Variants in MTMR7 observed in about 807,000 individuals in gnomAD.
MTMR7 encodes phosphatidylinositol-3-phosphate phosphatase MTMR7.
A neutral mutation model predicts 81.2 loss-of-function variants in MTMR7; 76 were observed. That is an observed-to-expected ratio of 0.94 (90% CI 0.78 to 1.13). The LOEUF is 1.13. MTMR7 is among the 50% of genes most tolerant of loss of function. The pLI, the probability that MTMR7 is intolerant of heterozygous loss-of-function variation, is 0.00. For synonymous variants in MTMR7, 372 were observed against 289.8 expected, an observed-to-expected ratio of 1.28 and a Z score of -2.88; for missense variants, 1,044 against 820.0, an observed-to-expected ratio of 1.27 and a Z score of -3.34.
At chr8:17,373,558 T>C (rs1394226532) in intron 1 of MTMR7, among the ~76,000 whole-genome samples, 1 of 152,230 alleles carries the variant, frequency 6.6e-6, no homozygotes, top group East Asian at 1.9e-4. Context: ...ATTACATTTC[T>C]AATTTAAAGC....
At chr8:17,396,385 C>T (rs1344664706) in intron 1 of MTMR7, among the ~76,000 whole-genome samples, 2 of 152,214 alleles carry the variant, frequency 1.3e-5, no homozygotes, top group Admixed American at 1.3e-4. Flanking sequence ...CTGGTAGTGA[C>T]TAAGTTCACA....
intron 6 of MTMR7, among the ~76,000 whole-genome samples, chr8:17,339,936 A>G (rs888872124): frequency 6.6e-6 from 1 of 152,346 alleles, no homozygotes; most frequent in Non-Finnish European, 1.5e-5. Flanking sequence ...ACAGTGTGGT[A>G]TACATTCTCT....
At chr8:17,317,348 G>C (rs1490037887) in intron 7 of MTMR7, among the ~76,000 whole-genome samples, 1 of 152,192 alleles carries the variant, frequency 6.6e-6, no homozygotes, top group Non-Finnish European at 1.5e-5. Flanking sequence ...TTCGATGTTT[G>C]TAGGCCCCGG....
At chr8:17,389,097 A>G (rs1344414804) in intron 1 of MTMR7, among the ~76,000 whole-genome samples, 1 of 152,124 alleles carries the variant, frequency 6.6e-6, no homozygotes, top group South Asian at 2.1e-4. Context: ...GAACAGTAAG[A>G]AAAGGACACT....
At chr8:17,309,081 C>T (rs922244827) in intron 10 of MTMR7, among the ~76,000 whole-genome samples, 196 bp downstream of exon 10, 5 of 152,186 alleles carry the variant, frequency 3.3e-5, no homozygotes, top group African/African-American at 1.2e-4. Flanking sequence ...TTAGTTAGTT[C>T]TGCCCAACTG....
intron 1 of MTMR7, among the ~76,000 whole-genome samples, chr8:17,390,445 G>A (rs1821072922): frequency 6.6e-6 from 1 of 152,090 alleles, no homozygotes; most frequent in Non-Finnish European, 1.5e-5. Flanking sequence ...CTCCCACCAG[G>A]CCCAACCGCT....
At chr8:17,347,539 C>G (rs1377801337) in intron 5 of MTMR7, among the ~76,000 whole-genome samples, 1 of 152,206 alleles carries the variant, frequency 6.6e-6, no homozygotes, top group East Asian at 1.9e-4. Flanking sequence ...CTCACACAAT[C>G]TCCTGTGTTT....
At chr8:17,375,995 T>C (rs1820574475) in intron 1 of MTMR7, among the ~76,000 whole-genome samples, 1 of 152,222 alleles carries the variant, frequency 6.6e-6, no homozygotes, top group South Asian at 2.1e-4. Context: ...ACACTGCCAC[T>C]GTGCAAACAT....
intron 2 of MTMR7, among the ~76,000 whole-genome samples, chr8:17,372,201 G>A (rs544327779): frequency 3.3e-5 from 5 of 152,270 alleles, no homozygotes; most frequent in South Asian, 4.1e-4. Context: ...AGAAGTGCCT[G>A]CCACCTTCTG....
chr8:17,300,374 C>G (rs1006258167), intron 13 of MTMR7, 150 bp from the exon 14 acceptor site: 1 of 794,306 alleles, frequency 1.3e-6, no homozygotes, highest in South Asian at 2.0e-5. Flanking sequence ...CTGGACTTCA[C>G]GACCTTGGAC....
At chr8:17,363,641 C>T (rs1475759331) in intron 3 of MTMR7, among the ~76,000 whole-genome samples, 1 of 151,892 alleles carries the variant, frequency 6.6e-6, no homozygotes, top group Non-Finnish European at 1.5e-5. Flanking sequence ...TCCTTATGCC[C>T]AATTTAAGGA....
intron 7 of MTMR7, chr8:17,326,291 G>A (rs1233176995): frequency 5.3e-5 from 8 of 152,150 alleles, no homozygotes; most frequent in East Asian, 1.9e-4. Context: ...TTCCTCATCC[G>A]TAAAATGAAG....
At chr8:17,336,098 C>T (rs971672692) in intron 6 of MTMR7, among the ~76,000 whole-genome samples, 2 of 152,150 alleles carry the variant, frequency 1.3e-5, no homozygotes, top group African/African-American at 4.8e-5. Context: ...TCTGGCATAG[C>T]GTCCAAGTGC....
Position 17,360,037 on chromosome 8 carries a change from T to C in MTMR7, c.468+1080A>G, listed in dbSNP as rs138261054. On this transcript the variant is annotated intron_variant, in intron 4 of 13. Transcript: ENST00000180173. The stretch of plus-strand genomic sequence containing the variant: ...AAAATAGTGATGAGTAATGACGATC[T>C]AAATGTCTAAAAATTAGAGAGCAGG... 2.8e-3 allele frequency among the ~76,000 whole-genome samples: 426 copies of C among 152,310 alleles called. 3 individuals carry two copies. Among genetic ancestry groups the C allele is most frequent in the African/African-American group, 9.8e-3 (407 of 41,578 alleles).
chr8:17,396,258 A>T (rs1821245131), intron 1 of MTMR7, among the ~76,000 whole-genome samples: 1 of 152,134 alleles, frequency 6.6e-6, no homozygotes, highest in African/African-American at 2.4e-5. Flanking sequence ...CATCATAAGA[A>T]CCAAAAATCA....
At chr8:17,331,386 T>C (rs7841726) in intron 6 of MTMR7, 104 bp from the exon 7 acceptor site, 21 of 1,239,554 alleles carry the variant, frequency 1.7e-5, no homozygotes, top group Middle Eastern at 1.9e-4. Context: ...TTCAGAATGA[T>C]GTACGGAAAC....
chr8:17,399,696 T>C (rs1821365003), intron 1 of MTMR7, among the ~76,000 whole-genome samples: 1 of 151,926 alleles, frequency 6.6e-6, no homozygotes, highest in South Asian at 2.1e-4. Context: ...AGAACAAAAC[T>C]GGAGGAATCA....
intron 1 of MTMR7, among the ~76,000 whole-genome samples, chr8:17,405,179 T>C (rs141687131): frequency 6.8e-4 from 103 of 152,288 alleles, no homozygotes; most frequent in African/African-American, 2.0e-3. Context: ...AGTGACAATA[T>C]AGAGATAAAT....
chr8:17,342,462 C>T (rs564477806), intron 5 of MTMR7, among the ~76,000 whole-genome samples: 24 of 152,268 alleles, frequency 1.6e-4, no homozygotes, highest in South Asian at 6.2e-4. Context: ...GCCTGTTCAG[C>T]GTGCTTGTAT....
Sources: gnomAD v4.1 joint callset for allele counts (sites outside exome capture counted in the v4.1 genomes callset) on GRCh38, gnomAD v4.1.1 for gene constraint, MANE v1.5 for transcripts, NCBI Gene and HGNC (gene_info 2026-07-23, HGNC 2026-07-21) for gene names.